SORBS2: variants seen among roughly 807,000 people sequenced by gnomAD.
The protein encoded by SORBS2 is sorbin and SH3 domain containing 2, also known as sorbin and SH3 domain-containing protein 2.
SORBS2 carries 46 observed loss-of-function variants against 97.7 expected under a neutral mutation model. That is an observed-to-expected ratio of 0.47 (90% CI 0.37 to 0.60). SORBS2 has a LOEUF of 0.60. Ranked by LOEUF, SORBS2 falls within the 20% of genes least tolerant of loss-of-function variation. The probability of loss-of-function intolerance (pLI) is 0.00; values close to 1 mark genes in which losing one functional copy is unlikely to be tolerated. For synonymous variants in SORBS2, 476 were observed against 473.4 expected, an observed-to-expected ratio of 1.01 and a Z score of -0.07; for missense variants, 1,316 against 1,282.3, an observed-to-expected ratio of 1.03 and a Z score of -0.40.
intron 1 of SORBS2, among the ~76,000 whole-genome samples, chr4:185,653,592 T>C (rs904549807): frequency 2.6e-5 from 4 of 152,320 alleles, no homozygotes; most frequent in African/African-American, 9.6e-5. Context: ...AGGATTGTTA[T>C]GGAAATCGAA....
At position 185,875,808 on chromosome 4, in the gene SORBS2, G is replaced by T. The variant is rs114865237; in HGVS notation, c.-338+80388C>A. On this transcript the variant is annotated intron_variant, in intron 1 of 20. Coordinates refer to the SORBS2 transcript ENST00000284776. ...CAGTGTTGCTTGGCTTATCATAAAA[G>T]GCGTTCTAGAGTCTGTATTGTCTTT... Among the ~76,000 whole-genome samples, 676 of 152,286 alleles carry T rather than the reference G, an allele frequency of 4.4e-3. 6 individuals carry two copies. The highest frequency in any genetic ancestry group is 0.015 in the African/African-American group (642 of 41,570).
chr4:185,666,537 A>G (rs7693871), intron 4 of SORBS2, among the ~76,000 whole-genome samples: 66,130 of 151,898 alleles, frequency 0.44, 14,586 homozygotes, highest in Admixed American at 0.48. Context: ...ATATCAGACT[A>G]TCGGTCAGCA....
intron 1 of SORBS2, among the ~76,000 whole-genome samples, chr4:185,817,180 T>G (rs1009151921): frequency 6.6e-6 from 1 of 151,146 alleles, no homozygotes; most frequent in Non-Finnish European, 1.5e-5. Flanking sequence ...CAGTACCAGG[T>G]GGGGAAAAAA....
chr4:185,862,842 C>T (rs1361875798), intron 1 of SORBS2, among the ~76,000 whole-genome samples: 3 of 152,138 alleles, frequency 2.0e-5, no homozygotes, highest in Non-Finnish European at 4.4e-5. Flanking sequence ...TCAAATACAC[C>T]TGACACCTCT....
intron 12 of SORBS2, among the ~76,000 whole-genome samples, chr4:185,610,019 T>A (rs1458604311): frequency 6.6e-6 from 1 of 152,210 alleles, no homozygotes; most frequent in African/African-American, 2.4e-5. Flanking sequence ...TGGTTATTAG[T>A]GAAATTTGTA....
upstream of SORBS2, among the ~76,000 whole-genome samples, chr4:185,661,692 T>C (rs2097524563): frequency 6.6e-6 from 1 of 152,216 alleles, no homozygotes; most frequent in South Asian, 2.1e-4. Context: ...CCTGTCCTCC[T>C]GTTACACTGT....
At chr4:185,752,770 A>G (rs746313769) in intron 2 of SORBS2, among the ~76,000 whole-genome samples, 5 of 152,230 alleles carry the variant, frequency 3.3e-5, no homozygotes, top group Admixed American at 6.5e-5. Context: ...AATGAAACCC[A>G]GCTACTGGTT....
chr4:185,919,783 C>T (rs1054309243), intron 1 of SORBS2, among the ~76,000 whole-genome samples: 38 of 152,234 alleles, frequency 2.5e-4, no homozygotes, highest in African/African-American at 7.2e-4. Context: ...CTTCTCTTTC[C>T]TTTTTACTTC....
intron 1 of SORBS2, among the ~76,000 whole-genome samples, chr4:185,954,724 C>T (rs1477772600): frequency 6.6e-6 from 1 of 152,172 alleles, no homozygotes; most frequent in Non-Finnish European, 1.5e-5. Flanking sequence ...CTTTGGGAGG[C>T]TGAGGCAGGC....
chr4:185,606,014 A>G lies in SORBS2; in HGVS notation c.2796+5766T>C. The G allele has an allele frequency of 1.3e-6, 1 of 795,324 alleles. No individual in the cohort carries two copies. Among genetic ancestry groups the G allele is most frequent in the Non-Finnish European group, 1.5e-6 (1 of 656,844 alleles). The allele number at this position is 795,324 out of a possible 1,614,324, so 49.3% of individuals were successfully genotyped here. A position where few individuals can be genotyped will look rare whatever the true frequency, so the allele number is the denominator to read the frequency against. On this transcript the variant is annotated intron_variant, in intron 12 of 14. Coordinates refer to ENST00000418609, the Ensembl canonical transcript of SORBS2. The surrounding 1 kb of genome is among the most constrained non-coding windows in gnomAD (Gnocchi z 4.3). ...GTCAATGTGAAGTCAACACAAAGAG[A>G]ACGACCTCTTTAGAAAATCGAAAGG... is the stretch of plus-strand genomic sequence containing the variant.
At chr4:185,801,751 A>G (rs1349991240) in intron 1 of SORBS2, among the ~76,000 whole-genome samples, 1 of 152,100 alleles carries the variant, frequency 6.6e-6, no homozygotes, top group African/African-American at 2.4e-5. Flanking sequence ...CTTTAATCTC[A>G]GCACTTTAGC....
At chr4:185,657,569 G>T (rs926618622), upstream of SORBS2, 1 of 1,588,158 alleles carries the variant, frequency 6.3e-7, no homozygotes, top group East Asian at 2.4e-5. Context: ...CAGAGACTGC[G>T]CATGCTGGGG....
chr4:185,673,873 C>A (rs2097756669), intron 4 of SORBS2, among the ~76,000 whole-genome samples: 1 of 152,124 alleles, frequency 6.6e-6, no homozygotes, highest in Non-Finnish European at 1.5e-5. Context: ...TGCGGTGAAC[C>A]ATCCCTTTCT....
chr4:185,862,377 C>T (rs1202363734), intron 1 of SORBS2, among the ~76,000 whole-genome samples: 1 of 152,202 alleles, frequency 6.6e-6, no homozygotes, highest in East Asian at 1.9e-4. Flanking sequence ...GTTGTAGAGG[C>T]ATGAGAGCGA....
At chr4:185,670,335 T>C (rs2097693786) in intron 4 of SORBS2, among the ~76,000 whole-genome samples, 1 of 152,124 alleles carries the variant, frequency 6.6e-6, no homozygotes, top group Non-Finnish European at 1.5e-5. Flanking sequence ...GACTTAAACA[T>C]TCTAGGAAAA....
chr4:185,667,946 G>A (rs895982700), intron 4 of SORBS2, among the ~76,000 whole-genome samples: 3 of 151,938 alleles, frequency 2.0e-5, no homozygotes, highest in African/African-American at 4.8e-5. Flanking sequence ...TCAGTATAAA[G>A]CAGTCTTTGG....
chr4:185,930,607 G>C (rs553023354), intron 1 of SORBS2, among the ~76,000 whole-genome samples: 49 of 152,238 alleles, frequency 3.2e-4, no homozygotes, highest in Non-Finnish European at 6.5e-4. Flanking sequence ...CCTGGATAGA[G>C]TTTTAAACTG....
chr4:185,914,835 T>C (rs2099257210), intron 1 of SORBS2, among the ~76,000 whole-genome samples: 1 of 152,242 alleles, frequency 6.6e-6, no homozygotes, highest in African/African-American at 2.4e-5. Flanking sequence ...ACTCATTTAT[T>C]ATCATCTGAA....
At chr4:185,843,166 G>A (rs535424060) in intron 1 of SORBS2, among the ~76,000 whole-genome samples, 3 of 152,100 alleles carry the variant, frequency 2.0e-5, no homozygotes, top group Admixed American at 6.5e-5. Flanking sequence ...AAAGGCAGCT[G>A]CAGGAAAAGG....
Sources: allele counts gnomAD v4.1 joint callset (sites outside exome capture counted in the v4.1 genomes callset), GRCh38; gene constraint gnomAD v4.1.1; non-coding constraint Gnocchi (gnomAD v3.1); transcripts MANE v1.5; gene names NCBI Gene and HGNC (gene_info 2026-07-23, HGNC 2026-07-21).